Variants in RNF2 observed in about 807,000 individuals in gnomAD.
RNF2 encodes the protein E3 ubiquitin-protein ligase RING2.
Under a neutral mutation model 37.2 loss-of-function variants are expected in RNF2, and 6 were observed. The observed-to-expected ratio is 0.16, with a 90% CI of 0.09 to 0.32. The LOEUF (loss-of-function observed/expected upper bound fraction) is 0.32. Among genes scored for constraint, RNF2 ranks in the 10% least tolerant of loss-of-function variants. The pLI, the probability that RNF2 is intolerant of heterozygous loss-of-function variation, is 1.00. For synonymous variants in RNF2, 133 were observed against 132.7 expected (o/e 1.00, Z -0.02); for missense variants, 251 against 404.0 (o/e 0.62, Z 3.25).
At chr1:185,066,511 T>A (rs1309823631) in intron 1 of RNF2, among the ~76,000 whole-genome samples, 2 of 152,230 alleles carry the variant, frequency 1.3e-5, no homozygotes, top group Non-Finnish European at 2.9e-5. Context: ...ATTTGACTGC[T>A]TATTTATGCC....
intron 1 of RNF2, among the ~76,000 whole-genome samples, chr1:185,047,963 G>A (rs544655311): frequency 6.6e-6 from 1 of 152,238 alleles, no homozygotes; most frequent in South Asian, 2.1e-4. Flanking sequence ...TACTGAGTAG[G>A]TGCCCATATA....
At chr1:185,076,212 G>GGTATT (rs1267723866) in intron 1 of RNF2, among the ~76,000 whole-genome samples, 1 of 143,406 alleles carries the variant, frequency 7.0e-6, no homozygotes, top group African/African-American at 2.6e-5. Context: ...CAGTCTTCTG[G>GGTATT]GTATTGTATC....
At chr1:185,055,708 G>T (rs1650412802) in intron 1 of RNF2, among the ~76,000 whole-genome samples, 1 of 152,120 alleles carries the variant, frequency 6.6e-6, no homozygotes, top group African/African-American at 2.4e-5. Flanking sequence ...GGTGTGAGCC[G>T]CCGTGCCTGG....
chr1:185,070,641 T>C (rs1557964755), intron 1 of RNF2, among the ~76,000 whole-genome samples: 3 of 148,054 alleles, frequency 2.0e-5, no homozygotes, highest in African/African-American at 7.4e-5. Context: ...TTCTTTTCTT[T>C]TTTTTTTTTT....
chr1:185,090,357 G>A (rs1651733178), intron 2 of RNF2, among the ~76,000 whole-genome samples: 2 of 152,182 alleles, frequency 1.3e-5, no homozygotes, highest in Admixed American at 1.3e-4. Context: ...ATTTTGTTAG[G>A]CATGTTCTAA....
intron 1 of RNF2, among the ~76,000 whole-genome samples, chr1:185,066,570 G>A (rs953390064): frequency 2.0e-5 from 3 of 152,162 alleles, no homozygotes; most frequent in African/African-American, 7.2e-5. Flanking sequence ...AGGATTGTCT[G>A]CCTCAGTAGC....
chr1:185,092,306 A>G (rs1002841504), intron 3 of RNF2, among the ~76,000 whole-genome samples: 2 of 151,912 alleles, frequency 1.3e-5, no homozygotes, highest in Non-Finnish European at 2.9e-5. Flanking sequence ...CCTCCTGAGT[A>G]GCTGGGATTA....
At position 185,099,784 on chromosome 1, in the gene RNF2, C is replaced by G; in HGVS notation, c.738-7C>G. On this transcript the variant is annotated splice_polypyrimidine_tract_variant and splice_region_variant and intron_variant, in intron 5 of 6. Transcript: ENST00000367510. The stretch of plus-strand genomic sequence containing the variant: ...GAAATGAAATTTTTAATGATTTATT[C>G]TTCTAGATACATAAAGACTTCTGGT... 6.2e-7 allele frequency: 1 copy of G among 1,608,840 alleles called. No homozygotes were observed. Among genetic ancestry groups the G allele is most frequent in the Non-Finnish European group, 8.5e-7 (1 of 1,177,258 alleles).
chr1:185,069,149 T>G (rs1650890024), intron 1 of RNF2, among the ~76,000 whole-genome samples: 2 of 152,310 alleles, frequency 1.3e-5, no homozygotes, highest in South Asian at 4.1e-4. Context: ...CTCTTTCACC[T>G]ATACTATTGA....
chr1:185,061,536 A>G (rs947471397), intron 1 of RNF2, among the ~76,000 whole-genome samples: 6 of 152,156 alleles, frequency 3.9e-5, no homozygotes, highest in South Asian at 2.1e-4. Context: ...TCAAATACAT[A>G]TGCAATTATG....
At chr1:185,079,478 T>C (rs568364596) in intron 1 of RNF2, among the ~76,000 whole-genome samples, 39 of 152,356 alleles carry the variant, frequency 2.6e-4, no homozygotes, top group Non-Finnish European at 3.7e-4. Flanking sequence ...TTTAACCTTT[T>C]AAAGGAAAGC....
At chr1:185,091,457 G>A in intron 2 of RNF2, 122 bp from the exon 3 acceptor site, 1 of 851,614 alleles carries the variant, frequency 1.2e-6, no homozygotes, top group Non-Finnish European at 1.8e-6. Context: ...GTTGACAATG[G>A]CAGTGGCTGG....
intron 1 of RNF2, among the ~76,000 whole-genome samples, chr1:185,065,527 A>G (rs1650774439): frequency 6.6e-6 from 1 of 152,178 alleles, no homozygotes; most frequent in Non-Finnish European, 1.5e-5. Context: ...TCATTCCTGA[A>G]GTCAGCCAGA....
chr1:185,055,821 A>G (rs1439347110), intron 1 of RNF2, among the ~76,000 whole-genome samples: 1 of 152,124 alleles, frequency 6.6e-6, no homozygotes, highest in Non-Finnish European at 1.5e-5. Context: ...GTTTAGTTTT[A>G]TGAACCTATC....
intron 1 of RNF2, among the ~76,000 whole-genome samples, chr1:185,056,840 A>G (rs1650448625): frequency 1.3e-5 from 2 of 152,214 alleles, no homozygotes; most frequent in South Asian, 4.1e-4. Flanking sequence ...ATTCATTTTT[A>G]AAATTTATTT....
intron 1 of RNF2, among the ~76,000 whole-genome samples, chr1:185,085,024 G>A (rs182594235): frequency 6.6e-6 from 1 of 152,184 alleles, no homozygotes; most frequent in Admixed American, 6.5e-5. Context: ...TCCCTGAGTA[G>A]CTGGAACTCA....
At chr1:185,069,620 C>T (rs766725188) in intron 1 of RNF2, among the ~76,000 whole-genome samples, 6 of 152,162 alleles carry the variant, frequency 3.9e-5, no homozygotes, top group Non-Finnish European at 7.4e-5. Flanking sequence ...ATTCTGTATA[C>T]TTTAGCCCTA....
chr1:185,070,669 T>C (rs193252032), intron 1 of RNF2, among the ~76,000 whole-genome samples: 1,516 of 150,524 alleles, frequency 0.01, 14 homozygotes, highest in South Asian at 0.016. Context: ...GACCGAGTCT[T>C]GCTGTGTCAC....
At chr1:185,076,648 T>G (rs1651174364) in intron 1 of RNF2, among the ~76,000 whole-genome samples, 1 of 151,904 alleles carries the variant, frequency 6.6e-6, no homozygotes, top group Non-Finnish European at 1.5e-5. Flanking sequence ...CTTATTTGTT[T>G]AGGTATCTGA....
Sources: allele counts gnomAD v4.1 joint callset (sites outside exome capture counted in the v4.1 genomes callset), GRCh38; gene constraint gnomAD v4.1.1; transcripts MANE v1.5; gene names NCBI Gene and HGNC (gene_info 2026-07-23, HGNC 2026-07-21).